The following PRKN variants were observed in gnomAD, a reference collection of about 807,000 sequenced individuals.
PRKN encodes E3 ubiquitin-protein ligase parkin.
In PRKN, 56 loss-of-function variants were observed where a neutral mutation model predicts 59.5. The ratio of observed to expected loss-of-function variants is 0.94; its 90% CI spans 0.76 to 1.18. The LOEUF is 1.18. Ranked by LOEUF, PRKN falls within the 50% of genes most tolerant of loss-of-function variation. The probability of loss-of-function intolerance (pLI) is 0.00; values close to 1 mark genes in which losing one functional copy is unlikely to be tolerated. For synonymous variants in PRKN, 250 were observed against 222.1 expected (o/e 1.13, Z -1.12); for missense variants, 657 against 596.4 (o/e 1.10, Z -1.06).
chr6:161,929,517 C>CTTTTTTTTTT (rs759945931), intron 6 of PRKN, among the ~76,000 whole-genome samples: 21 of 72,256 alleles, frequency 2.9e-4, no homozygotes, highest in African/African-American at 5.1e-4. Context: ...AATTTCACCT[C>CTTTTTTTTTT]TTTTTTTTTT....
At chr6:162,160,890 C>CAAAAAAAAAA (rs56320816) in intron 4 of PRKN, among the ~76,000 whole-genome samples, 4 of 80,266 alleles carry the variant, frequency 5.0e-5, no homozygotes, top group African/African-American at 2.1e-4. Context: ...GACTCCGTCT[C>CAAAAAAAAAA]AAAAAAAAAA....
rs1384332012 is a variant in PRKN at position 161,354,523 on chromosome 6, A to G, written c.1286-4312T>C. ...AGTCAGGGAATGGAGCCAGAATTTC[A>G]TCTGCTTGAGATGGAAGTGAAGAAA... On this transcript the variant is annotated intron_variant, in intron 11 of 11. Transcript: ENST00000366898. The surrounding 1 kb of genome is among the most constrained non-coding windows in gnomAD (Gnocchi z 6.7). Among the ~76,000 whole-genome samples the G allele has an allele frequency of 6.6e-6, 1 of 152,198 alleles. No homozygotes were observed. Among genetic ancestry groups the G allele is most frequent in the African/African-American group, 2.4e-5 (1 of 41,456 alleles).
chr6:162,172,533 T>C (rs1397597455), intron 4 of PRKN, among the ~76,000 whole-genome samples: 1 of 152,208 alleles, frequency 6.6e-6, no homozygotes, highest in African/African-American at 2.4e-5. Context: ...CCTTCAACAC[T>C]AGTCAAGTGA....
intron 7 of PRKN, among the ~76,000 whole-genome samples, chr6:161,785,461 C>T (rs958404537): frequency 1.3e-5 from 2 of 152,080 alleles, no homozygotes; most frequent in Non-Finnish European, 2.9e-5. Flanking sequence ...TCTAGTTCCA[C>T]GGTAACAAAT....
rs908745177 is a variant in PRKN at position 161,940,286 on chromosome 6, A to G, written c.734+33016T>C. On this transcript the variant is annotated intron_variant, in intron 6 of 11. Coordinates refer to ENST00000366898, the MANE Select transcript of PRKN (RefSeq NM_004562.3). Reference sequence around the variant, plus strand: ...ATCATGTTCAAAAAATATAGCAAAAAAAAAAAGAAAAGAAAAGAAAAAGAA... The same window carrying G: ...ATCATGTTCAAAAAATATAGCAAAAGAAAAAAGAAAAGAAAAGAAAAAGAA... 8.7e-4 allele frequency among the ~76,000 whole-genome samples: 133 copies of G among 152,216 alleles called. 1 individual carries two copies. Among genetic ancestry groups the G allele is most frequent in the Admixed American group, 2.0e-3 (30 of 15,292 alleles).
intron 1 of PRKN, among the ~76,000 whole-genome samples, chr6:162,575,615 C>T (rs938676446): frequency 6.6e-6 from 1 of 152,164 alleles, no homozygotes; most frequent in Admixed American, 6.6e-5. Context: ...CTCTCTAGCA[C>T]ATTCCCAGAT....
At chr6:162,213,183 G>A (rs983155273) in intron 3 of PRKN, among the ~76,000 whole-genome samples, 1 of 152,124 alleles carries the variant, frequency 6.6e-6, no homozygotes, top group Non-Finnish European at 1.5e-5. Context: ...AAGTGGGGTG[G>A]TGGTCCTAAA....
intron 1 of PRKN, among the ~76,000 whole-genome samples, chr6:162,498,167 A>C (rs1460452167): frequency 6.6e-6 from 1 of 152,104 alleles, no homozygotes; most frequent in East Asian, 1.9e-4. Context: ...CCCTCAGAAC[A>C]AGGGATTTGT....
intron 6 of PRKN, among the ~76,000 whole-genome samples, chr6:161,916,279 A>C (rs1778554518): frequency 1.3e-5 from 2 of 152,368 alleles, no homozygotes; most frequent in Admixed American, 6.5e-5. Flanking sequence ...AAACTTAAGA[A>C]GATGGGACTG....
chr6:161,505,112 A>G (rs1583163826), intron 9 of PRKN, among the ~76,000 whole-genome samples: 1 of 152,226 alleles, frequency 6.6e-6, no homozygotes, highest in Admixed American at 6.5e-5. Context: ...TGACTTCCAC[A>G]ATGGTCGAAC....
At chr6:161,632,108 T>A (rs2128155074) in intron 7 of PRKN, among the ~76,000 whole-genome samples, 1 of 152,318 alleles carries the variant, frequency 6.6e-6, no homozygotes, top group South Asian at 2.1e-4. Flanking sequence ...CTGTTTCCAA[T>A]TAAAAGAGAC....
At chr6:162,243,762 G>C (rs1401160992) in intron 3 of PRKN, among the ~76,000 whole-genome samples, 1 of 152,082 alleles carries the variant, frequency 6.6e-6, no homozygotes, top group South Asian at 2.1e-4. Flanking sequence ...AGTTCTTAGG[G>C]AAAAGAAAGA....
At chr6:162,139,394 A>G (rs917395101) in intron 4 of PRKN, among the ~76,000 whole-genome samples, 3 of 152,210 alleles carry the variant, frequency 2.0e-5, no homozygotes, top group Non-Finnish European at 4.4e-5. Context: ...GGAAATATAC[A>G]AAGAATGGAA....
At chr6:162,595,251 CTTTTTCT>C (rs1036413998) in intron 1 of PRKN, among the ~76,000 whole-genome samples, 4 of 151,822 alleles carry the variant, frequency 2.6e-5, no homozygotes, top group African/African-American at 4.8e-5. Flanking sequence ...TTCTTTTTTT[CTTTTTCT>C]TTTTTCTTTA....
At chr6:161,674,423 T>C (rs4708920) in intron 7 of PRKN, among the ~76,000 whole-genome samples, 46,792 of 152,062 alleles carry the variant, frequency 0.31, 7,787 homozygotes, top group Admixed American at 0.46. Flanking sequence ...TTAACCACAG[T>C]TGGTGGCTGT....
chr6:162,277,314 T>A (rs1780676963), intron 2 of PRKN, among the ~76,000 whole-genome samples: 1 of 152,152 alleles, frequency 6.6e-6, no homozygotes, highest in Non-Finnish European at 1.5e-5. Flanking sequence ...ACGGGCATTG[T>A]CAGTTACAAA....
intron 7 of PRKN, among the ~76,000 whole-genome samples, chr6:161,710,313 G>C (rs974326596): frequency 6.6e-6 from 1 of 152,292 alleles, no homozygotes; most frequent in Middle Eastern, 3.4e-3. Context: ...AATGCTTTCA[G>C]CACGCTCATT....
chr6:162,609,475 T>TA lies in PRKN; in HGVS notation c.7+118186dup, dbSNP rs540569338. ...AAAGGTAAAAAGAGTTTATTTTACTTACGATGCTAAATTTACTCCTATAGT... is the reference window on the plus strand; with the variant it reads ...AAAGGTAAAAAGAGTTTATTTTACTTAACGATGCTAAATTTACTCCTATAGT... On this transcript the variant is annotated intron_variant, in intron 1 of 11. Transcript: ENST00000366898. 1.8e-4 allele frequency among the ~76,000 whole-genome samples: 27 copies of TA among 152,328 alleles called. 2 individuals carry two copies. The South Asian group carries it at 5.6e-3, about 32-fold the overall frequency.
intron 4 of PRKN, among the ~76,000 whole-genome samples, chr6:162,111,910 C>T (rs564755496): frequency 6.6e-6 from 1 of 152,174 alleles, no homozygotes; most frequent in African/African-American, 2.4e-5. Flanking sequence ...TCCAAAGTTT[C>T]GTTCCAAAGT....
Sources: allele counts gnomAD v4.1 joint callset (sites outside exome capture counted in the v4.1 genomes callset), GRCh38; gene constraint gnomAD v4.1.1; non-coding constraint Gnocchi (gnomAD v3.1); transcripts MANE v1.5; gene names NCBI Gene and HGNC (gene_info 2026-07-23, HGNC 2026-07-21).